The following GRM5 variants were observed in gnomAD, a reference collection of about 807,000 sequenced individuals.
GRM5 encodes the protein metabotropic glutamate receptor 5.
GRM5 carries 19 observed loss-of-function variants against 83.1 expected under a neutral mutation model. That is an observed-to-expected ratio of 0.23 (90% confidence interval 0.16 to 0.34). GRM5 has a LOEUF of 0.34. Among genes scored for constraint, GRM5 ranks in the 10% least tolerant of loss-of-function variants. GRM5 has a pLI of 1.00. For synonymous variants in GRM5, 675 were observed against 633.6 expected, an observed-to-expected ratio of 1.07 and a Z score of -0.98; for missense variants, 1,160 against 1,588.3, an observed-to-expected ratio of 0.73 and a Z score of 4.58.
At chr11:88,616,295 G>A (rs1426492791) in intron 4 of GRM5, among the ~76,000 whole-genome samples, 2 of 151,156 alleles carry the variant, frequency 1.3e-5, no homozygotes, top group East Asian at 3.9e-4. Flanking sequence ...TATGTTCTTT[G>A]AGGAATAAAA....
At chr11:88,564,750 T>C (rs1366594387) in intron 8 of GRM5, among the ~76,000 whole-genome samples, 1 of 152,226 alleles carries the variant, frequency 6.6e-6, no homozygotes, top group Admixed American at 6.5e-5. Context: ...GGCACAGTGA[T>C]GAGCAAGGTA....
At chr11:89,009,196 G>T in intron 2 of GRM5, 1 of 626,698 alleles carries the variant, frequency 1.6e-6, no homozygotes, top group Non-Finnish European at 2.9e-6. Context: ...TTAACACAAA[G>T]GTAAGTTGAC....
At chr11:88,902,786 A>T (rs1421706782) in intron 2 of GRM5, among the ~76,000 whole-genome samples, 2 of 151,948 alleles carry the variant, frequency 1.3e-5, no homozygotes, top group African/African-American at 4.8e-5. Flanking sequence ...CCCTGTCTCT[A>T]CTAAAAATAC....
At chr11:88,597,120 G>T in intron 6 of GRM5, 64 bp downstream of exon 6, 1 of 1,027,242 alleles carries the variant, frequency 9.7e-7, no homozygotes, top group South Asian at 1.9e-5. Context: ...TTTAAAAATA[G>T]CCAATGATAG....
intron 3 of GRM5, among the ~76,000 whole-genome samples, chr11:88,720,313 G>GTGTT (rs5793347): frequency 0.86 from 130,677 of 151,688 alleles, 57,639 homozygotes; most frequent in Non-Finnish European, 0.97. Context: ...TGAGGGGAAA[G>GTGTT]TGTTTATACC....
chr11:88,822,152 G>C (rs1438141317), intron 3 of GRM5, among the ~76,000 whole-genome samples: 2 of 152,124 alleles, frequency 1.3e-5, no homozygotes, highest in Admixed American at 6.5e-5. Flanking sequence ...CAATGGTAAA[G>C]AAATAGATAT....
chr11:89,063,594 C>A (rs569626969), intron 1 of GRM5: 18 of 152,428 alleles, frequency 1.2e-4, no homozygotes, highest in East Asian at 3.9e-4. Context: ...GGCTTCCCCC[C>A]CAAGATGATC....
At chr11:88,876,781 C>T (rs552084597) in intron 2 of GRM5, among the ~76,000 whole-genome samples, 16 of 152,074 alleles carry the variant, frequency 1.1e-4, no homozygotes, top group East Asian at 7.8e-4. Flanking sequence ...AGAACACAAA[C>T]GTTTATTGAT....
intron 2 of GRM5, among the ~76,000 whole-genome samples, chr11:88,939,081 A>G (rs1177553314): frequency 6.6e-6 from 1 of 151,618 alleles, no homozygotes; most frequent in Non-Finnish European, 1.5e-5. Flanking sequence ...TGCATATTCT[A>G]TATTTTTAGT....
chr11:88,832,620 A>T (rs1421044025), intron 3 of GRM5, among the ~76,000 whole-genome samples: 1 of 152,118 alleles, frequency 6.6e-6, no homozygotes, highest in Non-Finnish European at 1.5e-5. Context: ...AAAAATCTTA[A>T]AATTTATATG....
At chr11:88,959,650 A>C (rs554617702) in intron 2 of GRM5, among the ~76,000 whole-genome samples, 2 of 152,264 alleles carry the variant, frequency 1.3e-5, no homozygotes, top group African/African-American at 4.8e-5. Context: ...GACTACTAAC[A>C]CCCTTCCTTC....
intron 8 of GRM5, among the ~76,000 whole-genome samples, chr11:88,537,731 T>A (rs2135126522): frequency 6.6e-6 from 1 of 152,252 alleles, no homozygotes; most frequent in East Asian, 1.9e-4. Context: ...TTCCATCAGA[T>A]CTTGTGGTCT....
At chr11:88,751,072 C>A (rs1420731240) in intron 3 of GRM5, among the ~76,000 whole-genome samples, 43 of 47,342 alleles carry the variant, frequency 9.1e-4, no homozygotes, top group Non-Finnish European at 9.7e-4. Context: ...TAGCAGAAGC[C>A]AAAAAAAAAA....
chr11:89,063,652 G>A (rs1591089478), intron 1 of GRM5: 1 of 152,456 alleles, frequency 6.6e-6, no homozygotes, highest in East Asian at 1.9e-4. Context: ...CCGAGCTGAG[G>A]GCGGCGTGTG....
chr11:88,787,671 A>C (rs10831434), intron 3 of GRM5, among the ~76,000 whole-genome samples: 8,079 of 152,114 alleles, frequency 0.053, 399 homozygotes, highest in Admixed American at 0.16. Context: ...TGATGCATGG[A>C]TATGTTTAAG....
At chr11:88,994,445 T>TAA (rs1940101179) in intron 2 of GRM5, among the ~76,000 whole-genome samples, 1 of 86,902 alleles carries the variant, frequency 1.2e-5, no homozygotes, top group Non-Finnish European at 2.3e-5. Context: ...CTTTAACTGA[T>TAA]TATATATATA....
At chr11:88,839,467 TACAAATTAAAACA>T (rs1944155670) in intron 3 of GRM5, among the ~76,000 whole-genome samples, 1 of 152,178 alleles carries the variant, frequency 6.6e-6, no homozygotes, top group Non-Finnish European at 1.5e-5. Context: ...ATTTTAAAAC[TACAAATTAAAACA>T]TTGTGATGCC....
intron 3 of GRM5, among the ~76,000 whole-genome samples, chr11:88,822,057 GATT>G (rs1380684171): frequency 6.6e-6 from 1 of 152,054 alleles, no homozygotes; most frequent in African/African-American, 2.4e-5. Flanking sequence ...TACTTTCCCA[GATT>G]ATTGTTTAGA....
intron 2 of GRM5, among the ~76,000 whole-genome samples, chr11:89,008,415 T>G (rs979213013): frequency 6.6e-6 from 1 of 152,154 alleles, no homozygotes; most frequent in Non-Finnish European, 1.5e-5. Context: ...AGACAAGGAC[T>G]ATTCCTGCAA....
Sources: gnomAD v4.1 joint callset for allele counts (sites outside exome capture counted in the v4.1 genomes callset) on GRCh38, gnomAD v4.1.1 for gene constraint, MANE v1.5 for transcripts, NCBI Gene and HGNC (gene_info 2026-07-23, HGNC 2026-07-21) for gene names.